Variants in MACROD2 observed in about 807,000 individuals in gnomAD.
MACROD2 encodes the protein mono-ADP ribosylhydrolase 2.
A neutral mutation model predicts 70.4 loss-of-function variants in MACROD2; 36 were observed. The ratio of observed to expected loss-of-function variants is 0.51; its 90% CI spans 0.39 to 0.68. The LOEUF (loss-of-function observed/expected upper bound fraction) is 0.68. Among genes scored for constraint, MACROD2 ranks in the 30% least tolerant of loss-of-function variants. The probability of loss-of-function intolerance (pLI) is 0.00; values close to 1 mark genes in which losing one functional copy is unlikely to be tolerated. For missense variants in MACROD2, 496 were observed against 538.4 expected, an observed-to-expected ratio of 0.92 and a Z score of 0.78; for synonymous variants, 172 against 178.8, an observed-to-expected ratio of 0.96 and a Z score of 0.30.
intron 3 of MACROD2, among the ~76,000 whole-genome samples, chr20:14,485,442 C>T (rs1228092188): frequency 1.3e-5 from 2 of 152,292 alleles, no homozygotes; most frequent in East Asian, 1.9e-4. Flanking sequence ...TGGCTCACGC[C>T]TGTAATCCCA....
chr20:15,427,217 G>T (rs1016567781), intron 6 of MACROD2, among the ~76,000 whole-genome samples: 4 of 152,042 alleles, frequency 2.6e-5, no homozygotes, highest in Non-Finnish European at 1.5e-5. Context: ...ACTACCATTT[G>T]CTCCCACATT....
At chr20:15,215,227 TTTTTTCTCC>T (rs1225053831) in intron 5 of MACROD2, among the ~76,000 whole-genome samples, 2 of 151,554 alleles carry the variant, frequency 1.3e-5, no homozygotes, top group Admixed American at 1.3e-4. Context: ...ATTGAATATT[TTTTTTCTCC>T]TTTTTCTCCT....
In MACROD2 at chr20:14,313,583, AT is replaced by A. The variant is rs2082586959; in HGVS notation, c.272-179895del. 5.3e-5 allele frequency among the ~76,000 whole-genome samples: 8 copies of A among 152,298 alleles called. No individual in the cohort carries two copies. In the South Asian group the frequency reaches 1.7e-3, roughly 32 times the overall value. On this transcript the variant is annotated intron_variant, in intron 3 of 17. Coordinates refer to ENST00000684519, the MANE Select transcript of MACROD2 (RefSeq NM_001351661.2). ...TTGTCTGGGGAGGTGAGAAACTTTAATGTGCTTGTGAATTAGTGCACTTCTT... is the reference window on the plus strand; with the variant it reads ...TTGTCTGGGGAGGTGAGAAACTTTAAGTGCTTGTGAATTAGTGCACTTCTT...
intron 6 of MACROD2, among the ~76,000 whole-genome samples, chr20:15,243,664 C>T (rs948380679): frequency 1.3e-5 from 2 of 152,080 alleles, no homozygotes; most frequent in Admixed American, 6.6e-5. Context: ...GCCTGTAATC[C>T]CAGCACTTTG....
intron 3 of MACROD2, among the ~76,000 whole-genome samples, chr20:14,107,541 TACA>T (rs2148682837): frequency 6.6e-6 from 1 of 152,054 alleles, no homozygotes; most frequent in South Asian, 2.1e-4. Context: ...AATATTTCAG[TACA>T]ACAAGGCAGA....
intron 5 of MACROD2, among the ~76,000 whole-genome samples, chr20:14,910,476 A>C (rs2074013242): frequency 6.6e-6 from 1 of 152,238 alleles, no homozygotes; most frequent in Non-Finnish European, 1.5e-5. Context: ...GAAAAAAAGA[A>C]GTCACCATCA....
intron 3 of MACROD2, among the ~76,000 whole-genome samples, chr20:14,348,112 A>C (rs914643970): frequency 4.6e-5 from 7 of 151,946 alleles, no homozygotes; most frequent in African/African-American, 1.7e-4. Flanking sequence ...TACTAAAAAT[A>C]CAAAAACATT....
intron 8 of MACROD2, among the ~76,000 whole-genome samples, chr20:15,603,703 A>G (rs1463311358): frequency 6.6e-6 from 1 of 152,076 alleles, no homozygotes; most frequent in East Asian, 1.9e-4. Context: ...TGCAGGAAAA[A>G]TCACTACACT....
At chr20:14,459,672 T>A (rs487840) in intron 3 of MACROD2, among the ~76,000 whole-genome samples, 44,929 of 151,940 alleles carry the variant, frequency 0.3, 7,810 homozygotes, top group South Asian at 0.58. Context: ...CTAAATGTTA[T>A]AAATAATGAG....
chr20:15,188,034 G>T (rs897344051), intron 5 of MACROD2, among the ~76,000 whole-genome samples: 12 of 152,088 alleles, frequency 7.9e-5, no homozygotes, highest in African/African-American at 2.9e-4. Context: ...ACAATCGTAG[G>T]ATTTTTATAA....
chr20:14,788,308 G>A (rs549609265), intron 5 of MACROD2, among the ~76,000 whole-genome samples: 18 of 152,006 alleles, frequency 1.2e-4, no homozygotes, highest in East Asian at 1.9e-4. Context: ...ACTGTGGCCC[G>A]GTGCGGTGGC....
chr20:14,460,696 T>G (rs1005655696), intron 3 of MACROD2, among the ~76,000 whole-genome samples: 8 of 152,164 alleles, frequency 5.3e-5, no homozygotes, highest in African/African-American at 1.9e-4. Flanking sequence ...TTTTTGTCAT[T>G]GGTTCTGCTT....
chr20:14,005,143 G>A (rs539911556), intron 2 of MACROD2, among the ~76,000 whole-genome samples: 1 of 152,042 alleles, frequency 6.6e-6, no homozygotes, highest in East Asian at 1.9e-4. Context: ...ACAAAATATT[G>A]CCAAGGAACA....
chr20:14,686,147 G>A (rs576088199), intron 5 of MACROD2, among the ~76,000 whole-genome samples: 4 of 152,194 alleles, frequency 2.6e-5, no homozygotes, highest in East Asian at 1.9e-4. Flanking sequence ...CATATATGGC[G>A]GTGGTCCTAT....
chr20:14,466,517 A>G (rs769083081), intron 3 of MACROD2, among the ~76,000 whole-genome samples: 2 of 151,750 alleles, frequency 1.3e-5, no homozygotes, highest in Non-Finnish European at 2.9e-5. Flanking sequence ...ATCATCTGAA[A>G]CCTTCTTCTC....
chr20:15,298,016 C>A (rs910901264), intron 6 of MACROD2, among the ~76,000 whole-genome samples: 8 of 152,134 alleles, frequency 5.3e-5, no homozygotes, highest in Admixed American at 3.3e-4. Flanking sequence ...GCCAGAAGTT[C>A]TGATCAATTT....
intron 5 of MACROD2, among the ~76,000 whole-genome samples, chr20:14,849,500 G>A (rs144358665): frequency 2.7e-4 from 41 of 152,242 alleles, no homozygotes; most frequent in African/African-American, 9.9e-4. Flanking sequence ...CCCTCTCTCA[G>A]CCAGGCACAG....
At chr20:15,917,998 C>T (rs1318063080) in intron 10 of MACROD2, among the ~76,000 whole-genome samples, 1 of 152,086 alleles carries the variant, frequency 6.6e-6, no homozygotes, top group Non-Finnish European at 1.5e-5. Context: ...CGAGGTCCTA[C>T]ATGAAAACTG....
intron 7 of MACROD2, among the ~76,000 whole-genome samples, chr20:15,482,543 C>G (rs914118299): frequency 6.6e-6 from 1 of 152,214 alleles, no homozygotes; most frequent in East Asian, 1.9e-4. Context: ...TCTACTGTCT[C>G]TAACCCTTCA....
Sources: allele counts gnomAD v4.1 joint callset (sites outside exome capture counted in the v4.1 genomes callset), GRCh38; gene constraint gnomAD v4.1.1; transcripts MANE v1.5; gene names NCBI Gene and HGNC (gene_info 2026-07-23, HGNC 2026-07-21).